The following SOX5 variants were observed in gnomAD, a reference collection of about 807,000 sequenced individuals.
The protein encoded by SOX5 is transcription factor SOX-5.
A neutral mutation model predicts 92.0 loss-of-function variants in SOX5; 9 were observed. The ratio of observed to expected loss-of-function variants is 0.10; its 90% CI spans 0.06 to 0.17. The LOEUF (loss-of-function observed/expected upper bound fraction) is 0.17, where lower values mean the gene tolerates loss of function less well. Among genes scored for constraint, SOX5 ranks in the 10% least tolerant of loss-of-function variants. SOX5 has a pLI of 1.00. For missense variants in SOX5, 642 were observed against 944.5 expected (o/e 0.68, Z 4.20); for synonymous variants, 344 against 336.3 (o/e 1.02, Z -0.25).
chr12:23,860,965 A>AC (rs1555390712), intron 2 of SOX5, among the ~76,000 whole-genome samples: 31,928 of 140,056 alleles, frequency 0.23, 4,258 homozygotes, highest in Non-Finnish European at 0.3. Flanking sequence ...AAAAAAAAAA[A>AC]AAAAAAAAAA....
chr12:24,236,308 G>C (rs752630741), intron 3 of SOX5, among the ~76,000 whole-genome samples: 3 of 152,196 alleles, frequency 2.0e-5, no homozygotes, highest in Non-Finnish European at 4.4e-5. Flanking sequence ...TATGTACCTA[G>C]TGCTGAGAGG....
intron 4 of SOX5, among the ~76,000 whole-genome samples, chr12:24,126,275 C>T (rs1374041227): frequency 6.6e-6 from 1 of 152,156 alleles, no homozygotes; most frequent in Non-Finnish European, 1.5e-5. Flanking sequence ...TGTCCCAACG[C>T]CCACTTAATC....
intron 4 of SOX5, among the ~76,000 whole-genome samples, chr12:23,995,807 T>G (rs1569443181): frequency 6.6e-6 from 1 of 152,186 alleles, no homozygotes; most frequent in Non-Finnish European, 1.5e-5. Flanking sequence ...CGTAGTTACA[T>G]ATTATTTACC....
chr12:24,299,553 A>T (rs1565858083), intron 2 of SOX5, among the ~76,000 whole-genome samples: 1 of 152,196 alleles, frequency 6.6e-6, no homozygotes, highest in Non-Finnish European at 1.5e-5. Context: ...TAACAGATTT[A>T]AAATTTTCTG....
intron 1 of SOX5, among the ~76,000 whole-genome samples, chr12:24,381,079 G>C (rs967567538): frequency 1.4e-4 from 21 of 152,190 alleles, no homozygotes; most frequent in Admixed American, 4.6e-4. Flanking sequence ...CGGAGGGCAT[G>C]CATTACTAGT....
At chr12:23,850,110 TC>T (rs748316914) in intron 2 of SOX5, among the ~76,000 whole-genome samples, 2 of 152,216 alleles carry the variant, frequency 1.3e-5, no homozygotes, top group East Asian at 1.9e-4. Context: ...ATGTTCCTCT[TC>T]CAGCAACGGG....
At chr12:24,031,268 A>G (rs948254601) in intron 4 of SOX5, among the ~76,000 whole-genome samples, 13 of 151,772 alleles carry the variant, frequency 8.6e-5, no homozygotes, top group African/African-American at 2.9e-4. Flanking sequence ...TGTTTACTGT[A>G]GCATTATTCA....
chr12:23,698,026 TTTTTG>T (rs1480676360), intron 6 of SOX5, among the ~76,000 whole-genome samples: 1 of 152,338 alleles, frequency 6.6e-6, no homozygotes, highest in East Asian at 1.9e-4. Flanking sequence ...TAGGTATTTA[TTTTTG>T]TTTTATTTTA....
intron 1 of SOX5, among the ~76,000 whole-genome samples, chr12:24,537,881 T>C (rs1326123233): frequency 6.6e-6 from 1 of 152,210 alleles, no homozygotes; most frequent in Admixed American, 6.5e-5. Flanking sequence ...CCTACACCCA[T>C]GCTGGTTTTG....
chr12:23,538,779 G>A (rs1437385726), intron 13 of SOX5, among the ~76,000 whole-genome samples: 4 of 147,300 alleles, frequency 2.7e-5, no homozygotes, highest in Admixed American at 1.4e-4. Flanking sequence ...CCCAAAATTC[G>A]AAAACGAAAC....
At chr12:24,262,247 AGC>A (rs879446030) in intron 3 of SOX5, among the ~76,000 whole-genome samples, 64 of 152,188 alleles carry the variant, frequency 4.2e-4, no homozygotes, top group Non-Finnish European at 6.5e-4. Flanking sequence ...TCTTTCTTAC[AGC>A]AGCCCTCAAT....
intron 3 of SOX5, among the ~76,000 whole-genome samples, chr12:23,761,479 G>A (rs892537994): frequency 1.3e-5 from 2 of 152,228 alleles, no homozygotes; most frequent in Non-Finnish European, 2.9e-5. Context: ...GTTGGGAGAT[G>A]ACCGTGTGTA....
Position 23,755,648 on chromosome 12 carries a change from G to A in SOX5, c.558C>T (p.Gly186=), listed in dbSNP as rs200177288. 695 of 1,588,146 alleles carry A rather than the reference G, an allele frequency of 4.4e-4. 9 individuals are homozygous for A. The South Asian group carries it at 7.3e-3, about 17-fold the overall frequency. ...KLLAMGSGNF[G]EIKGTPESLA... is the part of the protein sequence containing the mutation. ...ATCACACCATATTACCTTTTATTTC[G>A]CCAAAGTTCCCCGATCCCATTGCAA... Residue 186 remains glycine (G), a synonymous_variant, in exon 4 of 15, where the codon GGC becomes GGT. Coordinates refer to ENST00000451604, the MANE Select transcript of SOX5 (RefSeq NM_006940.6).
At chr12:24,067,657 C>G (rs145847771) in intron 4 of SOX5, among the ~76,000 whole-genome samples, 3 of 152,090 alleles carry the variant, frequency 2.0e-5, no homozygotes. Context: ...GATTGATCAA[C>G]GATTTTATGG....
chr12:24,302,491 G>A (rs1198972516), intron 2 of SOX5, among the ~76,000 whole-genome samples: 1 of 152,030 alleles, frequency 6.6e-6, no homozygotes, highest in African/African-American at 2.4e-5. Context: ...CTTGCTTCTT[G>A]CCATACAAAA....
intron 1 of SOX5, among the ~76,000 whole-genome samples, chr12:23,937,547 A>G (rs1197020469): frequency 1.3e-5 from 2 of 150,978 alleles, no homozygotes; most frequent in Non-Finnish European, 3.0e-5. Flanking sequence ...GACATGCACC[A>G]TAGTATTCAG....
intron 3 of SOX5, among the ~76,000 whole-genome samples, chr12:24,264,340 T>G (rs997144789): frequency 6.6e-6 from 1 of 152,134 alleles, no homozygotes; most frequent in Non-Finnish European, 1.5e-5. Flanking sequence ...TTTTAAAAAA[T>G]TTTTTCTTGC....
At chr12:24,219,246 A>G (rs958797375) in intron 3 of SOX5, among the ~76,000 whole-genome samples, 4 of 152,054 alleles carry the variant, frequency 2.6e-5, no homozygotes, top group Admixed American at 1.3e-4. Flanking sequence ...TGGTAGCACA[A>G]TAGGGTGACT....
chr12:23,548,900 TA>T, intron 11 of SOX5, among the ~76,000 whole-genome samples: 1 of 152,040 alleles, frequency 6.6e-6, no homozygotes, highest in East Asian at 1.9e-4. Flanking sequence ...TTGAATGGCA[TA>T]TAGGAGGGGA....
Sources: gnomAD v4.1 joint callset for allele counts (sites outside exome capture counted in the v4.1 genomes callset) on GRCh38, gnomAD v4.1.1 for gene constraint, MANE v1.5 for transcripts, NCBI Gene and HGNC (gene_info 2026-07-23, HGNC 2026-07-21) for gene names.